Variants in GALNT18 observed in about 807,000 individuals in gnomAD.
GALNT18 encodes polypeptide N-acetylgalactosaminyltransferase 18.
GALNT18 carries 44 observed loss-of-function variants against 69.5 expected under a neutral mutation model. The observed-to-expected ratio is 0.63, with a 90% CI of 0.50 to 0.81. The LOEUF (loss-of-function observed/expected upper bound fraction) is 0.81. Among genes scored for constraint, GALNT18 ranks in the 40% least tolerant of loss-of-function variants. The pLI, the probability that GALNT18 is intolerant of heterozygous loss-of-function variation, is 0.00. For missense variants in GALNT18, 715 were observed against 810.0 expected (o/e 0.88, Z 1.42); for synonymous variants, 364 against 318.2 (o/e 1.14, Z -1.53).
chr11:11,444,777 A>G lies in GALNT18; in HGVS notation c.428+3967T>C, dbSNP rs1855609225. ...AATAACATCAGGGTTAGAATTTGGA[A>G]GAAAAGAGCCAAGAATACCAAGAGC... On this transcript the variant is annotated intron_variant, in intron 2 of 10. Transcript: ENST00000227756. This position sits in a 1 kb window ranked among gnomAD's most constrained non-coding sequence, Gnocchi z 4.4. Among the ~76,000 whole-genome samples, 1 of 152,220 alleles carries G rather than the reference A, an allele frequency of 6.6e-6. No homozygotes were observed.
intron 2 of GALNT18, among the ~76,000 whole-genome samples, chr11:11,443,587 T>G (rs958579935): frequency 1.3e-5 from 2 of 149,780 alleles, no homozygotes; most frequent in African/African-American, 4.9e-5. Context: ...GAGAGAGCCA[T>G]AGGACATCTG....
chr11:11,434,802 G>T (rs752483600), intron 2 of GALNT18, among the ~76,000 whole-genome samples: 14 of 152,088 alleles, frequency 9.2e-5, no homozygotes, highest in Non-Finnish European at 1.6e-4. Flanking sequence ...AAGCTCATCG[G>T]ATCTTTTTCA....
intron 6 of GALNT18, among the ~76,000 whole-genome samples, chr11:11,345,924 T>C (rs10831591): frequency 0.95 from 145,085 of 152,198 alleles, 69,513 homozygotes; most frequent in East Asian, 1. Flanking sequence ...CTGGGCATAC[T>C]TGACGGCACA....
intron 9 of GALNT18, among the ~76,000 whole-genome samples, chr11:11,316,878 C>A (rs898895387): frequency 1.6e-4 from 25 of 152,186 alleles, no homozygotes; most frequent in African/African-American, 5.3e-4. Flanking sequence ...AGGAAGTCCT[C>A]CAGGGCAGGG....
rs1213875488 is a variant in GALNT18 at position 11,340,261 on chromosome 11, AG to A, written c.1278+557del. Among the ~76,000 whole-genome samples, 1 of 152,254 alleles carries A rather than the reference AG, an allele frequency of 6.6e-6. No individual in the cohort carries two copies. The highest frequency in any genetic ancestry group is 1.5e-5 in the Non-Finnish European group (1 of 68,048). ...GACCAGAGGGATAGAGGACAGTGGCAGGCAATGATGAGGCTCTGTGAAGGTT... is the reference window on the plus strand; with the variant it reads ...GACCAGAGGGATAGAGGACAGTGGCAGCAATGATGAGGCTCTGTGAAGGTT... On this transcript the variant is annotated intron_variant, in intron 7 of 10. Coordinates refer to ENST00000227756, the MANE Select transcript of GALNT18 (RefSeq NM_198516.3). This position sits in a 1 kb window ranked among gnomAD's most constrained non-coding sequence, Gnocchi z 4.2.
At chr11:11,405,283 C>T (rs973472131) in intron 3 of GALNT18, among the ~76,000 whole-genome samples, 10 of 152,276 alleles carry the variant, frequency 6.6e-5, no homozygotes, top group East Asian at 3.9e-4. Flanking sequence ...GAGAAAACCA[C>T]GGCATCACTG....
intron 5 of GALNT18, among the ~76,000 whole-genome samples, chr11:11,376,804 T>C (rs1047554826): frequency 1.3e-5 from 2 of 152,218 alleles, no homozygotes; most frequent in Admixed American, 6.5e-5. Flanking sequence ...TTCCCCGCTT[T>C]CAATGCAGTT....
At chr11:11,311,141 T>C (rs114059073) in intron 9 of GALNT18, among the ~76,000 whole-genome samples, 5,119 of 152,118 alleles carry the variant, frequency 0.034, 253 homozygotes, top group African/African-American at 0.11. Flanking sequence ...AATAGGACAG[T>C]CCCACGCAGT....
rs944779612 is a variant in GALNT18, at chr11:11,341,182, G to C, written c.1093-178C>G. On this transcript the variant is annotated intron_variant, in intron 6 of 10. Transcript: ENST00000227756. The surrounding 1 kb of genome is among the most constrained non-coding windows in gnomAD (Gnocchi z 6.3). ...ATTTCTGCTCCTATAGCAGCAGGAT[G>C]GCTATGGAGTCATTAATTCATATAT... Among the ~76,000 whole-genome samples the C allele has an allele frequency of 6.6e-5, 10 of 152,290 alleles. No homozygotes were observed. Among genetic ancestry groups the C allele is most frequent in the African/African-American group, 2.4e-4 (10 of 41,550 alleles).
chr11:11,375,985 C>T (rs1263968292), intron 5 of GALNT18, among the ~76,000 whole-genome samples: 1 of 152,234 alleles, frequency 6.6e-6, no homozygotes, highest in Non-Finnish European at 1.5e-5. Context: ...CTTCTAATCT[C>T]TTGCACTCCA....
intron 1 of GALNT18, among the ~76,000 whole-genome samples, chr11:11,452,793 C>T (rs1424962183): frequency 2.6e-5 from 4 of 152,180 alleles, no homozygotes; most frequent in Non-Finnish European, 4.4e-5. Flanking sequence ...GAGGCACCTT[C>T]CAGGATTGGA....
chr11:11,425,841 C>T lies in GALNT18; in HGVS notation c.595+6780G>A, dbSNP rs935792842. Among the ~76,000 whole-genome samples, 19 of 152,314 alleles carry T rather than the reference C, an allele frequency of 1.2e-4. No individual in the cohort carries two copies. The East Asian group carries it at 3.3e-3, about 26-fold the overall frequency. ...AAAACCTGTTGAAGGACTGAAAGAACGAAGCAATGAATGCCAAGAGTCAAA... is the reference window on the plus strand; with the variant it reads ...AAAACCTGTTGAAGGACTGAAAGAATGAAGCAATGAATGCCAAGAGTCAAA... On this transcript the variant is annotated intron_variant, in intron 3 of 10. Transcript: ENST00000227756.
In GALNT18 at chr11:11,496,960, G is replaced by A. The variant is rs1415287603; in HGVS notation, c.236-48024C>T. ...ACTGCCTCCCTTCTCACCTGGTAGAGCACCCAAATACTCCACCGTGGTCTC... is the reference window on the plus strand; with the variant it reads ...ACTGCCTCCCTTCTCACCTGGTAGAACACCCAAATACTCCACCGTGGTCTC... On this transcript the variant is annotated intron_variant, in intron 1 of 10. Coordinates refer to ENST00000227756, the MANE Select transcript of GALNT18 (RefSeq NM_198516.3). This position sits in a 1 kb window ranked among gnomAD's most constrained non-coding sequence, Gnocchi z 4.0. Among the ~76,000 whole-genome samples, 4 of 152,098 alleles carry A rather than the reference G, an allele frequency of 2.6e-5. No individual in the cohort carries two copies. Among genetic ancestry groups the A allele is most frequent in the Non-Finnish European group, 5.9e-5 (4 of 68,036 alleles).
intron 10 of GALNT18, among the ~76,000 whole-genome samples, chr11:11,286,262 A>G (rs186597222): frequency 8.5e-5 from 13 of 152,362 alleles, no homozygotes; most frequent in Admixed American, 2.0e-4. Context: ...TGCAATATGC[A>G]TATCTGTTTT....
intron 1 of GALNT18, among the ~76,000 whole-genome samples, chr11:11,581,015 C>T (rs183157948): frequency 6.6e-6 from 1 of 152,356 alleles, no homozygotes; most frequent in East Asian, 1.9e-4. Flanking sequence ...TCCCTGCGGC[C>T]GTTGGAAAGA....
chr11:11,426,300 A>C (rs1230640885), intron 3 of GALNT18, among the ~76,000 whole-genome samples: 1 of 152,186 alleles, frequency 6.6e-6, no homozygotes, highest in African/African-American at 2.4e-5. Context: ...GCCCAGGAAG[A>C]AACACTCCAC....
At chr11:11,291,090 A>G (rs1849288469) in intron 10 of GALNT18, among the ~76,000 whole-genome samples, 1 of 152,186 alleles carries the variant, frequency 6.6e-6, no homozygotes, top group Non-Finnish European at 1.5e-5. Flanking sequence ...AAGGAGGGAA[A>G]TGTAGCCTCA....
At position 11,315,939 on chromosome 11, in the gene GALNT18, T is replaced by C. The variant is rs867416844; in HGVS notation, c.1512+11147A>G. Among the ~76,000 whole-genome samples, 4 of 151,184 alleles carry C rather than the reference T, an allele frequency of 2.6e-5. No homozygotes were observed. Among genetic ancestry groups the C allele is most frequent in the African/African-American group, 9.7e-5 (4 of 41,088 alleles). On this transcript the variant is annotated intron_variant, in intron 9 of 10. Transcript: ENST00000227756. The surrounding 1 kb of genome is among the most constrained non-coding windows in gnomAD (Gnocchi z 5.6). ...TGAGGGTGGCTGCCGAGAGTGAGCC[T>C]CACAGGGCCAGTCCCCGCATCACTC... is the stretch of plus-strand genomic sequence containing the variant.
At chr11:11,504,890 C>G (rs934512397) in intron 1 of GALNT18, among the ~76,000 whole-genome samples, 7 of 152,166 alleles carry the variant, frequency 4.6e-5, no homozygotes, top group African/African-American at 1.4e-4. Flanking sequence ...AGAGATGAAC[C>G]AAGTTCCTAA....
Sources: gnomAD v4.1 joint callset for allele counts (sites outside exome capture counted in the v4.1 genomes callset) on GRCh38, gnomAD v4.1.1 for gene constraint, Gnocchi (gnomAD v3.1) non-coding constraint, MANE v1.5 for transcripts, NCBI Gene and HGNC (gene_info 2026-07-23, HGNC 2026-07-21) for gene names.